Variants in GAS2 observed in about 807,000 individuals in gnomAD.
GAS2 encodes the protein growth arrest-specific protein 2.
A neutral mutation model predicts 37.5 loss-of-function variants in GAS2; 20 were observed. The ratio of observed to expected loss-of-function variants is 0.53; its 90% CI spans 0.37 to 0.77. The LOEUF is 0.77. Ranked by LOEUF, GAS2 falls within the 30% of genes least tolerant of loss-of-function variation. GAS2 has a pLI of 0.00. For missense variants in GAS2, 336 were observed against 373.4 expected, an observed-to-expected ratio of 0.90 and a Z score of 0.82; for synonymous variants, 144 against 132.2, an observed-to-expected ratio of 1.09 and a Z score of -0.61.
At chr11:22,638,678 G>A (rs1858871771) in intron 1 of GAS2, among the ~76,000 whole-genome samples, 1 of 151,956 alleles carries the variant, frequency 6.6e-6, no homozygotes, top group African/African-American at 2.4e-5. Flanking sequence ...AGAAATTATA[G>A]GACACTATGC....
intron 1 of GAS2, among the ~76,000 whole-genome samples, chr11:22,636,965 G>T (rs544960377): frequency 1.0e-3 from 139 of 136,112 alleles, no homozygotes; most frequent in African/African-American, 3.6e-3. Flanking sequence ...TACTATTAAT[G>T]ATATTTATAT....
intron 7 of GAS2, among the ~76,000 whole-genome samples, chr11:22,758,226 C>G (rs1213032153): frequency 6.6e-6 from 1 of 152,134 alleles, no homozygotes; most frequent in Non-Finnish European, 1.5e-5. Context: ...GTAGTAAGTG[C>G]CTGTAGTCAA....
intron 7 of GAS2, among the ~76,000 whole-genome samples, chr11:22,792,349 C>T (rs1049401334): frequency 2.0e-5 from 3 of 152,078 alleles, no homozygotes; most frequent in Non-Finnish European, 2.9e-5. Context: ...TTCTCTACTA[C>T]CTGTGTGCAT....
At chr11:22,773,841 A>G (rs998752417) in intron 7 of GAS2, among the ~76,000 whole-genome samples, 3 of 152,170 alleles carry the variant, frequency 2.0e-5, no homozygotes, top group African/African-American at 4.8e-5. Flanking sequence ...AAAAGGTGAC[A>G]AACACCATTT....
intron 1 of GAS2, among the ~76,000 whole-genome samples, chr11:22,633,043 C>CT (rs1858765627): frequency 6.6e-6 from 1 of 151,880 alleles, no homozygotes; most frequent in Admixed American, 6.6e-5. Context: ...ACCTCTTGAA[C>CT]TCTTTATCTG....
At chr11:22,639,140 T>C (rs187964729) in intron 1 of GAS2, among the ~76,000 whole-genome samples, 1 of 152,256 alleles carries the variant, frequency 6.6e-6, no homozygotes, top group Admixed American at 6.5e-5. Context: ...AAGGGTTCCA[T>C]ATTGCTATAG....
intron 3 of GAS2, among the ~76,000 whole-genome samples, chr11:22,699,117 A>G (rs1850695746): frequency 1.3e-5 from 2 of 152,154 alleles, no homozygotes; most frequent in African/African-American, 4.8e-5. Context: ...GTGTTCCATT[A>G]TCGGTCTCAA....
chr11:22,708,528 AC>A (rs1851238908), intron 3 of GAS2, among the ~76,000 whole-genome samples: 1 of 152,144 alleles, frequency 6.6e-6, no homozygotes, highest in Non-Finnish European at 1.5e-5. Flanking sequence ...TCATGTCAAC[AC>A]AACTAGTAAC....
intron 1 of GAS2, among the ~76,000 whole-genome samples, chr11:22,652,528 C>T (rs932890087): frequency 4.6e-5 from 7 of 152,320 alleles, no homozygotes; most frequent in South Asian, 2.1e-4. Flanking sequence ...GCCTGGCTGC[C>T]GCCTTGCAGT....
At chr11:22,732,351 G>A in intron 4 of GAS2, among the ~76,000 whole-genome samples, 1 of 151,586 alleles carries the variant, frequency 6.6e-6, no homozygotes, top group African/African-American at 2.4e-5. Context: ...ATTCAATTCT[G>A]TAGGGCTTCC....
At chr11:22,795,344 G>A (rs1856374227) in intron 7 of GAS2, among the ~76,000 whole-genome samples, 3 of 152,090 alleles carry the variant, frequency 2.0e-5, no homozygotes, top group Admixed American at 1.3e-4. Context: ...AAATAGCATG[G>A]TAGAGAGTGG....
chr11:22,723,218 G>C lies in GAS2; in HGVS notation c.268-3074G>C, dbSNP rs375251570. ...AAATTACCTAAATGCCAAGTAGTTA[G>C]ATCAGTGTTACTGCTAAATTCTTCT... On this transcript the variant is annotated intron_variant, in intron 3 of 7. Coordinates refer to ENST00000454584, the MANE Select transcript of GAS2 (RefSeq NM_001143830.3). Among the ~76,000 whole-genome samples the C allele has an allele frequency of 5.6e-4, 85 of 151,996 alleles. 1 individual carries two copies. In the South Asian group the frequency reaches 7.7e-3, roughly 14 times the overall value.
intron 1 of GAS2, among the ~76,000 whole-genome samples, chr11:22,628,132 G>T (rs572817571): frequency 3.9e-5 from 6 of 152,262 alleles, no homozygotes; most frequent in African/African-American, 1.4e-4. Flanking sequence ...TGTCTATGAA[G>T]TTTCCCCCTC....
intron 1 of GAS2, among the ~76,000 whole-genome samples, chr11:22,632,587 A>T (rs986638882): frequency 6.6e-6 from 1 of 152,104 alleles, no homozygotes. Context: ...GTATTTGAAT[A>T]TCTAAATTGC....
chr11:22,682,482 G>A (rs1272397895), intron 2 of GAS2, among the ~76,000 whole-genome samples: 1 of 151,998 alleles, frequency 6.6e-6, no homozygotes, highest in Admixed American at 6.6e-5. Flanking sequence ...TTAGAGTAAA[G>A]TTTATCTTCT....
rs1430650830 is a variant in GAS2 at position 22,726,301 on chromosome 11, T to C, written c.277T>C (p.Leu93=). 2.5e-6 allele frequency: 4 copies of C among 1,600,916 alleles called. No individual in the cohort carries two copies. The highest frequency in any genetic ancestry group is 2.7e-5 in the African/African-American group (2 of 73,772). ...TTTCTTTATTTTTCAGAATCTACCG[T>C]TGAAGAAGATCCCATGCAAAACCAG... ...DANKPTKNLP[L]KKIPCKTSAP... Residue 93 remains leucine (L), a synonymous_variant, in exon 4 of 8, where the codon TTG becomes CTG. Coordinates refer to ENST00000454584, the MANE Select transcript of GAS2 (RefSeq NM_001143830.3).
At chr11:22,726,239 C>T in intron 3 of GAS2, 53 bp from the exon 4 acceptor site, 1 of 1,541,630 alleles carries the variant, frequency 6.5e-7, no homozygotes, top group Non-Finnish European at 8.8e-7. Context: ...TTTAAAACAT[C>T]ATTGTGCTAA....
At chr11:22,682,888 GAAAA>G (rs57025584) in intron 2 of GAS2, among the ~76,000 whole-genome samples, 2,337 of 102,346 alleles carry the variant, frequency 0.023, 89 homozygotes, top group African/African-American at 0.072. Context: ...AAAAAAAAAG[GAAAA>G]AAAAAAAAAA....
chr11:22,804,487 GCAGT>G (rs1856802898), intron 7 of GAS2, among the ~76,000 whole-genome samples: 1 of 152,078 alleles, frequency 6.6e-6, no homozygotes, highest in Non-Finnish European at 1.5e-5. Flanking sequence ...CTTTCTCTGT[GCAGT>G]CAGTTAAGAG....
Sources: gnomAD v4.1 joint callset for allele counts (sites outside exome capture counted in the v4.1 genomes callset) on GRCh38, gnomAD v4.1.1 for gene constraint, MANE v1.5 for transcripts, NCBI Gene and HGNC (gene_info 2026-07-23, HGNC 2026-07-21) for gene names.